MUC4: variants seen among roughly 807,000 people sequenced by gnomAD.
The protein encoded by MUC4 is mucin 4, cell surface associated, also known as mucin-4.
MUC4 carries 202 observed loss-of-function variants against 257.9 expected under a neutral mutation model. That is an observed-to-expected ratio of 0.78 (90% CI 0.70 to 0.88). MUC4 has a LOEUF of 0.88. Among genes scored for constraint, MUC4 ranks in the 40% least tolerant of loss-of-function variants. The pLI is 0.00. For missense variants in MUC4, 5,976 were observed against 6,513.7 expected, an observed-to-expected ratio of 0.92 and a Z score of 2.84; for synonymous variants, 2,351 against 2,757.1, an observed-to-expected ratio of 0.85 and a Z score of 4.62.
intron 1 of MUC4, among the ~76,000 whole-genome samples, chr3:195,808,565 C>T (rs887664770): frequency 2.0e-5 from 3 of 152,182 alleles, no homozygotes; most frequent in African/African-American, 7.2e-5. Flanking sequence ...GACAACCCTA[C>T]GTAGTAGCCC....
intron 6 of MUC4, 46 bp from the exon 7 acceptor site, chr3:195,769,198 G>C: frequency 1.2e-6 from 2 of 1,607,156 alleles, no homozygotes; most frequent in South Asian, 1.1e-5. Flanking sequence ...TGAGAGATCC[G>C]GGGTCTCCTC....
At chr3:195,766,518 C>T in intron 8 of MUC4, 145 bp downstream of exon 8, 1 of 704,200 alleles carries the variant, frequency 1.4e-6, no homozygotes, top group Non-Finnish European at 2.5e-6. Flanking sequence ...CCACCTAGAC[C>T]TGTAGGAGGT....
chr3:195,753,979 C>T, intron 19 of MUC4: 1 of 505,362 alleles, frequency 2.0e-6, no homozygotes. Flanking sequence ...GCCTGTACAA[C>T]CTCTTCTCCT....
chr3:195,784,694 A>G lies in MUC4; in HGVS notation c.6886T>C (p.Ser2296Pro). ...TTPLPVTSPS[S>P]ASTGHATPLH... is the part of the protein sequence containing the mutation. ...GGGGTGGCGTGACCTGTGGATGCTGAGGAAGGGCTAGTGACAGGAAGAGGA... is the reference window on the plus strand; with the variant it reads ...GGGGTGGCGTGACCTGTGGATGCTGGGGAAGGGCTAGTGACAGGAAGAGGA... The change falls in exon 2 of 25, where the codon TCA becomes CCA. Residue 2296 changes from serine (S) to proline (P), a missense_variant. Ser to Pro is a moderately conservative substitution (Grantham distance 74). Transcript: ENST00000463781. The G allele has an allele frequency of 6.9e-7, 1 of 1,452,338 alleles. No homozygotes were observed. The allele number at this position is 1,452,338 out of a possible 1,614,324, so 90.0% of individuals were successfully genotyped here. A position where few individuals can be genotyped will look rare whatever the true frequency, so the allele number is the denominator to read the frequency against.
intron 13 of MUC4, 142 bp downstream of exon 13, chr3:195,762,713 G>A: frequency 8.8e-6 from 1 of 113,198 alleles, no homozygotes; most frequent in Non-Finnish European, 1.4e-5. Context: ...CACTCGGCGC[G>A]GCACCGCCAC....
intron 4 of MUC4, among the ~76,000 whole-genome samples, chr3:195,772,713 C>T (rs1219704264): frequency 6.8e-6 from 1 of 147,464 alleles, no homozygotes; most frequent in African/African-American, 2.5e-5. Context: ...CTCCCTTCAT[C>T]GCTCAGGGGT....
Position 195,753,154 on chromosome 3 carries a change from G to C in MUC4, c.15405C>G (p.Ile5135Met). Residue 5135 changes from isoleucine to methionine, a missense_variant, in exon 20 of 25, where the codon ATC (isoleucine) becomes ATG (methionine). This residue lies in a region of MUC4 where 996 missense variants were observed against 1,137.3 expected (regional missense o/e 0.88). Transcript: ENST00000463781. ...TGGGCTGACAGCCCAGAGTCTGGGA[G>C]ATGTAGCAGTGGCCTTGATTGTAGC... is the stretch of plus-strand genomic sequence containing the variant. The part of the protein sequence containing the change: ...NYCYNQGHCY[I>M]SQTLGCQPMC... 1 of 1,613,550 alleles carries C rather than the reference G, an allele frequency of 6.2e-7. No individual in the cohort carries two copies. The highest frequency in any genetic ancestry group is 8.5e-7 in the Non-Finnish European group (1 of 1,179,806).
rs946799661 is a variant in MUC4 at position 195,788,858 on chromosome 3, C to A, written c.2722G>T (p.Ala908Ser). 6.2e-7 allele frequency: 1 copy of A among 1,613,834 alleles called. No homozygotes were observed. The highest frequency in any genetic ancestry group is 8.5e-7 in the Non-Finnish European group (1 of 1,179,838). ...PQETAAISRM[A>S]QTQRTRTSRG... ...CTGGTTCTTGTCCTCTGAGTCTGGGCCATCCGGGAAATGGCGGCTGTCTCC... is the reference window on the plus strand; with the variant it reads ...CTGGTTCTTGTCCTCTGAGTCTGGGACATCCGGGAAATGGCGGCTGTCTCC... The change falls in exon 2 of 25, where the codon GCC becomes TCC. Residue 908 changes from alanine (A) to serine (S), a missense_variant. Ala to Ser is a moderately conservative substitution (Grantham distance 99, BLOSUM62 1). Transcript: ENST00000463781.
At chr3:195,766,602 TG>T in intron 8 of MUC4, 60 bp downstream of exon 8, 1 of 1,472,486 alleles carries the variant, frequency 6.8e-7, no homozygotes, top group Non-Finnish European at 9.5e-7. Context: ...CGATGGTGTA[TG>T]GGCTGGAGGA....
intron 1 of MUC4, among the ~76,000 whole-genome samples, chr3:195,808,865 G>C (rs1736326847): frequency 6.6e-6 from 1 of 152,160 alleles, no homozygotes; most frequent in Admixed American, 6.5e-5. Context: ...GCAAGTTGAG[G>C]TGGCCTGTCC....
chr3:195,775,937 A>C (rs1284868458), intron 3 of MUC4, among the ~76,000 whole-genome samples: 1 of 83,758 alleles, frequency 1.2e-5, no homozygotes, highest in Admixed American at 1.1e-4. Context: ...TTCCACAGTC[A>C]TACCTTCCAC....
Position 195,811,891 on chromosome 3 carries a change from T to C in MUC4, c.-74A>G. On this transcript the variant is annotated 5_prime_UTR_variant, in exon 1 of 25. Coordinates refer to ENST00000463781, the MANE Select transcript of MUC4 (RefSeq NM_018406.7). ...GCAGCTGCAGTGTGAGGAGCAGACG[T>C]GAGCCCGTCCCCTCAGGCGGCTGGC... 6.9e-7 allele frequency: 1 copy of C among 1,453,990 alleles called. No homozygotes were observed. Among genetic ancestry groups the C allele is most frequent in the East Asian group, 2.3e-5 (1 of 43,476 alleles). The allele number at this position is 1,453,990 out of a possible 1,614,324, so 90.1% of individuals were successfully genotyped here.
intron 2 of MUC4, 100 bp downstream of exon 2, chr3:195,778,690 C>T (rs1311145333): frequency 1.4e-6 from 2 of 1,386,912 alleles, no homozygotes; most frequent in Non-Finnish European, 2.0e-6. Context: ...CACGGCCCCA[C>T]CAGGTAATGC....
In MUC4 at chr3:195,790,650, GAA is replaced by G. The variant is rs1292541877; in HGVS notation, c.928_929del (p.Phe310LeufsTer13). ...TTGTGTCCTGAGTAGAAGTCCTTGA[GAA>G]AGTTGCTGGTGATTGTCCTTCTGGA... ...FDPEGQSPAT[F>X]SRTSTQDTTA... On this transcript the variant is annotated frameshift_variant, in exon 2 of 25. Coordinates refer to ENST00000463781, the MANE Select transcript of MUC4 (RefSeq NM_018406.7). LOFTEE classifies it high-confidence loss of function. The G allele has an allele frequency of 6.2e-7, 1 of 1,614,028 alleles. No individual in the cohort carries two copies. Among genetic ancestry groups the G allele is most frequent in the Non-Finnish European group, 8.5e-7 (1 of 1,179,888 alleles).
At chr3:195,765,553 C>G in intron 8 of MUC4, 104 bp from the exon 9 acceptor site, 1 of 1,152,966 alleles carries the variant, frequency 8.7e-7, no homozygotes. Context: ...CCCCTCCTGC[C>G]ACTTCTCACC....
chr3:195,801,105 C>T (rs1333790931), intron 1 of MUC4, among the ~76,000 whole-genome samples: 2 of 152,202 alleles, frequency 1.3e-5, no homozygotes, highest in Non-Finnish European at 2.9e-5. Flanking sequence ...AAGCCTTGAT[C>T]AAGTTTTATT....
In MUC4 at chr3:195,774,243, C is replaced by T; in HGVS notation, c.13006G>A (p.Asp4336Asn). 1 of 1,603,064 alleles carries T rather than the reference C, an allele frequency of 6.2e-7. No individual in the cohort carries two copies. The highest frequency in any genetic ancestry group is 1.1e-5 in the South Asian group (1 of 90,142). Residue 4336 changes from aspartate to asparagine, a missense_variant, in exon 4 of 25, where the codon GAC (aspartate) becomes AAC (asparagine). Coordinates refer to ENST00000463781, the MANE Select transcript of MUC4 (RefSeq NM_018406.7). ...GGCTTGAAGAGTGGGGAGGTGAAGTCCACGGTCCTCCTGACGAACTCCAGG... is the reference window on the plus strand; with the variant it reads ...GGCTTGAAGAGTGGGGAGGTGAAGTTCACGGTCCTCCTGACGAACTCCAGG... Reference protein sequence around the residue: ...GDLEFVRRTVDFTSPLFKPAT... With the variant: ...GDLEFVRRTVNFTSPLFKPAT...
At position 195,755,059 on chromosome 3, in the gene MUC4, C is replaced by T. The variant is rs966834072; in HGVS notation, c.15169-687G>A. Among the ~76,000 whole-genome samples the T allele has an allele frequency of 1.3e-5, 2 of 152,082 alleles. No homozygotes were observed. On this transcript the variant is annotated intron_variant, in intron 18 of 24. Coordinates refer to ENST00000463781, the MANE Select transcript of MUC4 (RefSeq NM_018406.7). The surrounding 1 kb of genome is among the most constrained non-coding windows in gnomAD (Gnocchi z 5.0). ...TGAGACAGGGTCCCACTCGGTTGCC[C>T]AGGCTGGAGTGCAATGTCTTGATCT...
At chr3:195,767,775 CCAT>C (rs1327424312) in intron 7 of MUC4, among the ~76,000 whole-genome samples, 2 of 106,704 alleles carry the variant, frequency 1.9e-5, no homozygotes, top group Non-Finnish European at 3.8e-5. Flanking sequence ...ACCACCACCA[CCAT>C]CACCACCATC....
Sources: gnomAD v4.1 joint callset for allele counts (sites outside exome capture counted in the v4.1 genomes callset) on GRCh38, gnomAD v4.1.1 for gene constraint, gnomAD v4.1.1 regional missense constraint, Gnocchi (gnomAD v3.1) non-coding constraint, MANE v1.5 for transcripts, NCBI Gene and HGNC (gene_info 2026-07-23, HGNC 2026-07-21) for gene names.